The following EYS variants were observed in gnomAD, a reference collection of about 807,000 sequenced individuals.
EYS encodes EGF-like photoreceptor maintenance factor, also known as protein eyes shut homolog.
In EYS, 250 loss-of-function variants were observed where a neutral mutation model predicts 282.1. The observed-to-expected ratio is 0.89, with a 90% CI of 0.80 to 0.98. EYS has a LOEUF of 0.98. EYS is among the 50% of genes least tolerant of loss of function. EYS has a pLI of 0.00. For synonymous variants in EYS, 1,355 were observed against 1,282.9 expected (o/e 1.06, Z -1.20); for missense variants, 4,016 against 3,709.0 (o/e 1.08, Z -2.15).
At chr6:64,781,335 G>C (rs1454302751) in intron 22 of EYS, among the ~76,000 whole-genome samples, 1 of 152,024 alleles carries the variant, frequency 6.6e-6, no homozygotes, top group Non-Finnish European at 1.5e-5. Flanking sequence ...ATAAAAATTC[G>C]TCAGTAATTC....
At chr6:65,115,418 T>C (rs1270420376) in intron 12 of EYS, among the ~76,000 whole-genome samples, 1 of 152,066 alleles carries the variant, frequency 6.6e-6, no homozygotes, top group East Asian at 1.9e-4. Context: ...CCCCACTTCC[T>C]GAAATTATCT....
intron 22 of EYS, among the ~76,000 whole-genome samples, chr6:64,633,118 A>T (rs1274447481): frequency 6.6e-6 from 1 of 152,162 alleles, no homozygotes; most frequent in African/African-American, 2.4e-5. Context: ...TTCTATTGTC[A>T]CTATCAATTA....
At chr6:64,316,114 C>G (rs754104184) in intron 29 of EYS, among the ~76,000 whole-genome samples, 1 of 152,146 alleles carries the variant, frequency 6.6e-6, no homozygotes, top group Non-Finnish European at 1.5e-5. Flanking sequence ...CAATATCATA[C>G]TGAATGGGCA....
chr6:64,738,826 T>C (rs1772274213), intron 22 of EYS, among the ~76,000 whole-genome samples: 1 of 152,204 alleles, frequency 6.6e-6, no homozygotes, highest in Admixed American at 6.5e-5. Context: ...GGCACGATCT[T>C]GGCTCACTGC....
chr6:63,825,059 T>A (rs319916), intron 36 of EYS, among the ~76,000 whole-genome samples: 18 of 152,008 alleles, frequency 1.2e-4, no homozygotes, highest in African/African-American at 4.3e-4. Flanking sequence ...GGGCTGTTGT[T>A]GGGGGCATGG....
intron 26 of EYS, among the ~76,000 whole-genome samples, chr6:64,576,049 A>G (rs2149820898): frequency 6.6e-6 from 1 of 152,220 alleles, no homozygotes; most frequent in South Asian, 2.1e-4. Context: ...AGATTTATTC[A>G]CCTTCCAAGC....
At chr6:65,042,456 T>G (rs1042434495) in intron 13 of EYS, among the ~76,000 whole-genome samples, 1 of 151,554 alleles carries the variant, frequency 6.6e-6, no homozygotes, top group African/African-American at 2.4e-5. Context: ...TCTGTTTTAT[T>G]TTGGTTAAAT....
At chr6:65,281,428 T>C (rs1768217517) in intron 12 of EYS, among the ~76,000 whole-genome samples, 1 of 152,134 alleles carries the variant, frequency 6.6e-6, no homozygotes, top group African/African-American at 2.4e-5. Flanking sequence ...CTCTGTCTAG[T>C]CACTGAAAAT....
intron 22 of EYS, among the ~76,000 whole-genome samples, chr6:64,746,077 T>C (rs1018327233): frequency 1.3e-5 from 2 of 151,964 alleles, no homozygotes; most frequent in East Asian, 3.9e-4. Flanking sequence ...GTGGTTTGAC[T>C]AGCAATACCC....
At chr6:64,496,054 T>G (rs891775933) in intron 26 of EYS, among the ~76,000 whole-genome samples, 11 of 151,916 alleles carry the variant, frequency 7.2e-5, no homozygotes, top group African/African-American at 2.7e-4. Context: ...TACTCATTTA[T>G]TTAACACTCA....
At chr6:65,043,323 A>C (rs1469603805) in intron 13 of EYS, among the ~76,000 whole-genome samples, 4 of 151,568 alleles carry the variant, frequency 2.6e-5, no homozygotes, top group Non-Finnish European at 5.9e-5. Context: ...ACTAAGTGTA[A>C]TAAATATGAC....
chr6:64,949,536 A>AATTAATTTAACAAAATTT (rs1769409258), intron 14 of EYS, among the ~76,000 whole-genome samples: 1 of 151,826 alleles, frequency 6.6e-6, no homozygotes, highest in Non-Finnish European at 1.5e-5. Flanking sequence ...TTGTTTTGTT[A>AATTAATTTAACAAAATTT]AAGGCCCATT....
intron 36 of EYS, among the ~76,000 whole-genome samples, chr6:63,833,508 T>C (rs144545727): frequency 0.13 from 20,315 of 152,108 alleles, 1,720 homozygotes; most frequent in African/African-American, 0.24. Flanking sequence ...ACAAGGGATG[T>C]GAAGGACCTC....
At chr6:64,923,443 T>G (rs1768417635) in intron 15 of EYS, among the ~76,000 whole-genome samples, 1 of 152,092 alleles carries the variant, frequency 6.6e-6, no homozygotes, top group Non-Finnish European at 1.5e-5. Context: ...GGGGATATAG[T>G]CAAACCATAT....
At chr6:65,012,810 C>CAAAAAAAAAA (rs3033918) in intron 13 of EYS, among the ~76,000 whole-genome samples, 4 of 117,658 alleles carry the variant, frequency 3.4e-5, no homozygotes, top group Admixed American at 9.4e-5. Flanking sequence ...CCAAGTACAG[C>CAAAAAAAAAA]AAAAAAAAAA....
chr6:65,077,172 C>T (rs1008156062), intron 12 of EYS, among the ~76,000 whole-genome samples: 3 of 151,940 alleles, frequency 2.0e-5, no homozygotes, highest in African/African-American at 7.3e-5. Flanking sequence ...GATCTATTAG[C>T]CCTAAGGTTG....
At chr6:63,909,197 T>G (rs1423459250) in intron 35 of EYS, among the ~76,000 whole-genome samples, 1 of 152,198 alleles carries the variant, frequency 6.6e-6, no homozygotes, top group Non-Finnish European at 1.5e-5. Flanking sequence ...TGGAAATCCT[T>G]AATATATCAC....
At chr6:64,558,741 A>T in intron 26 of EYS, among the ~76,000 whole-genome samples, 1 of 152,226 alleles carries the variant, frequency 6.6e-6, no homozygotes, top group East Asian at 1.9e-4. Flanking sequence ...GGAACTTTTT[A>T]GGAAGTTCCT....
rs143170873 is a variant in EYS, at chr6:65,646,061, G to A, written c.-447-6169C>T. ...AAAAATTCCCAGCTAAAAAAAGTGC[G>A]GAATCAGATGGATTCACAGCTGAAT... On this transcript the variant is annotated intron_variant, in intron 1 of 42. Transcript: ENST00000503581. 2.2e-3 allele frequency among the ~76,000 whole-genome samples: 341 copies of A among 152,106 alleles called. 1 individual carries two copies. Among genetic ancestry groups the A allele is most frequent in the African/African-American group, 7.2e-3 (298 of 41,520 alleles).
Sources: gnomAD v4.1 joint callset for allele counts (sites outside exome capture counted in the v4.1 genomes callset) on GRCh38, gnomAD v4.1.1 for gene constraint, MANE v1.5 for transcripts, NCBI Gene and HGNC (gene_info 2026-07-23, HGNC 2026-07-21) for gene names.